P2RY8: variants seen among roughly 807,000 people sequenced by gnomAD.
The protein encoded by P2RY8 is S-geranylgeranyl-glutathione receptor P2RY8.
A neutral mutation model predicts 10.0 loss-of-function variants in P2RY8; 6 were observed. The observed-to-expected ratio is 0.60, with a 90% confidence interval of 0.33 to 1.19. The LOEUF is 1.19. P2RY8 is among the 50% of genes most tolerant of loss of function. The pLI, the probability that P2RY8 is intolerant of heterozygous loss-of-function variation, is 0.04. For synonymous variants in P2RY8, 276 were observed against 252.5 expected, an observed-to-expected ratio of 1.09 and a Z score of -0.88; for missense variants, 456 against 542.0, an observed-to-expected ratio of 0.84 and a Z score of 1.58.
intron 1 of P2RY8, among the ~76,000 whole-genome samples, chrX:1,480,362 A>C: frequency 6.8e-6 from 1 of 147,450 alleles, no homozygotes. Flanking sequence ...CAGTGGCACG[A>C]CCTTGGCTCA....
chrX:1,509,368 CATCT>C (rs2092272856), intron 1 of P2RY8, among the ~76,000 whole-genome samples: 1 of 144,662 alleles, frequency 6.9e-6, no homozygotes, highest in East Asian at 2.0e-4. Context: ...TCCATCCATC[CATCT>C]ATTCTATCTA....
chrX:1,528,341 T>A (rs1438899777), intron 1 of P2RY8, among the ~76,000 whole-genome samples: 65 of 152,240 alleles, frequency 4.3e-4, no homozygotes, highest in Admixed American at 6.5e-4. Context: ...GGTATGCATG[T>A]GACAGGGCTC....
intron 1 of P2RY8, among the ~76,000 whole-genome samples, chrX:1,476,878 C>A (rs1255318119): frequency 6.6e-6 from 1 of 151,988 alleles, no homozygotes; most frequent in Non-Finnish European, 1.5e-5. Flanking sequence ...AGGTTGACAA[C>A]CTGGCATGAG....
intron 1 of P2RY8, among the ~76,000 whole-genome samples, chrX:1,471,225 T>G (rs1603454499): frequency 6.6e-6 from 1 of 150,894 alleles, no homozygotes; most frequent in South Asian, 2.1e-4. Flanking sequence ...CCAGGCTGGT[T>G]GTGAACTGCT....
Position 1,463,974 on chromosome X carries a change from G to T in P2RY8, c.*1505C>A, listed in dbSNP as rs2091625189. 4.3e-6 allele frequency: 1 copy of T among 233,140 alleles called. No homozygotes were observed. Among genetic ancestry groups the T allele is most frequent in the Non-Finnish European group, 8.5e-6 (1 of 118,072 alleles). The allele number at this position is 233,140 out of a possible 1,614,324, so 14.4% of individuals were successfully genotyped here. A position where few individuals can be genotyped will look rare whatever the true frequency, so the allele number is the denominator to read the frequency against. On this transcript the variant is annotated 3_prime_UTR_variant, in exon 2 of 2. Coordinates refer to ENST00000381297, the MANE Select transcript of P2RY8 (RefSeq NM_178129.5). The stretch of plus-strand genomic sequence containing the variant: ...ATGTTCCAGGTGGACACGGGTTTGG[G>T]AATGATAATTCATTACTAAACCATC...
intron 1 of P2RY8, among the ~76,000 whole-genome samples, chrX:1,529,598 C>T (rs2092459844): frequency 2.0e-5 from 3 of 152,032 alleles, no homozygotes; most frequent in African/African-American, 7.3e-5. Flanking sequence ...TCCAGCCCTA[C>T]ATGGCAGCAG....
intron 1 of P2RY8, among the ~76,000 whole-genome samples, chrX:1,530,990 T>C (rs1466739190): frequency 1.3e-5 from 2 of 151,528 alleles, no homozygotes; most frequent in South Asian, 2.1e-4. Flanking sequence ...TATGTACCTA[T>C]CTAATTTATG....
intron 1 of P2RY8, among the ~76,000 whole-genome samples, chrX:1,467,559 G>A (rs1260295033): frequency 1.3e-5 from 2 of 152,244 alleles, no homozygotes; most frequent in African/African-American, 4.8e-5. Context: ...CGTCTGGAAG[G>A]AGAGACGCTT....
chrX:1,468,141 T>C (rs2091718150), intron 1 of P2RY8, among the ~76,000 whole-genome samples: 1 of 152,172 alleles, frequency 6.6e-6, no homozygotes, highest in Non-Finnish European at 1.5e-5. Flanking sequence ...TTTGGCTATG[T>C]TGCCCAGGCT....
chrX:1,468,748 T>TC (rs1163580013), intron 1 of P2RY8, among the ~76,000 whole-genome samples: 3 of 324 alleles, frequency 9.3e-3, no homozygotes, highest in East Asian at 0.17. Context: ...CTCTCTCCTC[T>TC]CTCCCCTCTC....
chrX:1,503,585 C>A (rs1353804805), intron 1 of P2RY8, among the ~76,000 whole-genome samples: 1 of 151,766 alleles, frequency 6.6e-6, no homozygotes, highest in Non-Finnish European at 1.5e-5. Context: ...ACGTGGTAAA[C>A]CCCGTCTCTA....
At chrX:1,475,783 A>G (rs2091867018) in intron 1 of P2RY8, among the ~76,000 whole-genome samples, 1 of 152,146 alleles carries the variant, frequency 6.6e-6, no homozygotes, top group Non-Finnish European at 1.5e-5. Flanking sequence ...CTGCAAAGCA[A>G]TAACAACAAC....
intron 1 of P2RY8, among the ~76,000 whole-genome samples, chrX:1,519,453 C>T (rs751075561): frequency 6.6e-6 from 1 of 151,896 alleles, no homozygotes; most frequent in Non-Finnish European, 1.5e-5. Flanking sequence ...TATCTCTGAT[C>T]CCAATATTCT....
chrX:1,534,261 T>A (rs2092508287), intron 1 of P2RY8, among the ~76,000 whole-genome samples: 1 of 144,424 alleles, frequency 6.9e-6, no homozygotes, highest in South Asian at 2.1e-4. Context: ...ATTTATATAA[T>A]TATATATGTA....
Position 1,463,602 on chromosome X carries a change from C to T in P2RY8, c.*1877G>A. 4.3e-6 allele frequency: 1 copy of T among 232,922 alleles called. No individual in the cohort carries two copies. The highest frequency in any genetic ancestry group is 8.5e-6 in the Non-Finnish European group (1 of 117,848). 14.4% of individuals were successfully genotyped at this position (232,922 alleles called of 1,614,324 possible). On this transcript the variant is annotated 3_prime_UTR_variant, in exon 2 of 2. Transcript: ENST00000381297. Reference sequence around the variant, plus strand: ...ATTACACATGCAAAGTTCCTTATTACCGAATAAAATCTATAATAATTTCAG... The same window carrying T: ...ATTACACATGCAAAGTTCCTTATTATCGAATAAAATCTATAATAATTTCAG...
chrX:1,495,685 A>ATCCTGCACCCAGCACCCTGC (rs1569537505), intron 1 of P2RY8, among the ~76,000 whole-genome samples: 1 of 127,098 alleles, frequency 7.9e-6, no homozygotes, highest in Non-Finnish European at 1.8e-5. Context: ...AGACACATAC[A>ATCCTGCACCCAGCACCCTGC]GAGAGATGAC....
chrX:1,530,966 T>G (rs1227109950), intron 1 of P2RY8, among the ~76,000 whole-genome samples: 1 of 151,038 alleles, frequency 6.6e-6, no homozygotes, highest in African/African-American at 2.4e-5. Context: ...TATTTATCCA[T>G]GTATGTATGT....
Position 1,465,310 on chromosome X carries a change from C to T in P2RY8, c.*169G>A. ...CCTGGAGACCCTTCCTCACCGGTGC[C>T]TCTGCAGTGCCTGGGAGGAATAAAG... On this transcript the variant is annotated 3_prime_UTR_variant, in exon 2 of 2. Transcript: ENST00000381297. 2 of 1,127,978 alleles carry T rather than the reference C, an allele frequency of 1.8e-6. No homozygotes were observed. The highest frequency in any genetic ancestry group is 2.4e-6 in the Non-Finnish European group (2 of 816,378). The allele number at this position is 1,127,978 out of a possible 1,614,324, so 69.9% of individuals were successfully genotyped here.
rs1284075642 is a variant in P2RY8 at position 1,475,983 on chromosome X, A to C, written c.-24-9401T>G. 5.3e-5 allele frequency among the ~76,000 whole-genome samples: 8 copies of C among 152,246 alleles called. No individual in the cohort carries two copies. The South Asian group carries it at 1.0e-3, about 20-fold the overall frequency. On this transcript the variant is annotated intron_variant, in intron 1 of 1. Coordinates refer to ENST00000381297, the MANE Select transcript of P2RY8 (RefSeq NM_178129.5). Reference sequence around the variant, plus strand: ...GGGTAGGGAAGGAAGCAAGGCTCAGAGCTCCCTGCTCAAGCATCTCCCTGC... The same window carrying C: ...GGGTAGGGAAGGAAGCAAGGCTCAGCGCTCCCTGCTCAAGCATCTCCCTGC...
Sources: gnomAD v4.1 joint callset for allele counts (sites outside exome capture counted in the v4.1 genomes callset) on GRCh38, gnomAD v4.1.1 for gene constraint, MANE v1.5 for transcripts, NCBI Gene and HGNC (gene_info 2026-07-23, HGNC 2026-07-21) for gene names.